The following GHR variants were observed in gnomAD, a reference collection of about 807,000 sequenced individuals.
GHR encodes growth hormone receptor, also known as GH receptor.
In GHR, 35 loss-of-function variants were observed where a neutral mutation model predicts 67.1. The ratio of observed to expected loss-of-function variants is 0.52; its 90% CI spans 0.40 to 0.69. The LOEUF is 0.69. GHR is among the 30% of genes least tolerant of loss of function. GHR has a pLI of 0.00. For missense variants in GHR, 792 were observed against 764.6 expected, an observed-to-expected ratio of 1.04 and a Z score of -0.42; for synonymous variants, 272 against 269.1, an observed-to-expected ratio of 1.01 and a Z score of -0.10.
At chr5:42,685,150 G>A (rs1757077347) in intron 3 of GHR, among the ~76,000 whole-genome samples, 1 of 151,972 alleles carries the variant, frequency 6.6e-6, no homozygotes, top group African/African-American at 2.4e-5. Context: ...GTGTATGTGT[G>A]TTCTCATTGT....
At chr5:42,513,489 A>C (rs1747109451) in intron 1 of GHR, among the ~76,000 whole-genome samples, 1 of 152,176 alleles carries the variant, frequency 6.6e-6, no homozygotes, top group Admixed American at 6.5e-5. Flanking sequence ...AGCAGCTCTG[A>C]TAAAAGGCTT....
intron 2 of GHR, 47 bp downstream of exon 2, chr5:42,565,991 C>T (rs762027736): frequency 6.2e-7 from 1 of 1,606,220 alleles, no homozygotes; most frequent in Admixed American, 1.7e-5. Context: ...TGAAACAACA[C>T]TGAACTGTAT....
intron 2 of GHR, among the ~76,000 whole-genome samples, chr5:42,584,143 A>AT (rs1039735936): frequency 6.6e-6 from 1 of 151,572 alleles, no homozygotes; most frequent in Non-Finnish European, 1.5e-5. Flanking sequence ...ACCCTTATGT[A>AT]TTTTTTTTAA....
intron 3 of GHR, among the ~76,000 whole-genome samples, chr5:42,655,322 G>A (rs983147054): frequency 3.9e-5 from 6 of 152,106 alleles, no homozygotes; most frequent in Non-Finnish European, 1.5e-5. Context: ...TTGGAGAGCT[G>A]TAAGAGGATA....
At chr5:42,569,679 C>T (rs1321436323) in intron 2 of GHR, among the ~76,000 whole-genome samples, 5 of 151,866 alleles carry the variant, frequency 3.3e-5, no homozygotes, top group Admixed American at 6.6e-5. Context: ...TATTTACATA[C>T]AACATATTTA....
intron 2 of GHR, among the ~76,000 whole-genome samples, chr5:42,592,854 C>T (rs1792777702): frequency 6.6e-6 from 1 of 152,164 alleles, no homozygotes; most frequent in African/African-American, 2.4e-5. Context: ...ATTTACATTC[C>T]TACAAGCAAT....
intron 2 of GHR, among the ~76,000 whole-genome samples, chr5:42,596,197 T>A (rs1378243982): frequency 6.6e-6 from 1 of 152,154 alleles, no homozygotes; most frequent in Non-Finnish European, 1.5e-5. Context: ...GCTCACCAGG[T>A]CTGCCTTTTT....
intron 1 of GHR, among the ~76,000 whole-genome samples, chr5:42,454,742 G>A (rs1038689894): frequency 5.3e-5 from 8 of 151,912 alleles, no homozygotes; most frequent in Admixed American, 1.3e-4. Context: ...TTAGATCCAC[G>A]CCTCCTGCTT....
chr5:42,637,448 G>A (rs1346886485), intron 3 of GHR, among the ~76,000 whole-genome samples: 4 of 152,016 alleles, frequency 2.6e-5, no homozygotes, highest in African/African-American at 9.7e-5. Flanking sequence ...CTCACACCCC[G>A]CTCCCAATCT....
chr5:42,493,886 G>A (rs1746215239), intron 1 of GHR, among the ~76,000 whole-genome samples: 2 of 152,130 alleles, frequency 1.3e-5, no homozygotes, highest in Non-Finnish European at 2.9e-5. Flanking sequence ...GCTGAGGTAG[G>A]TCTAGATGTC....
intron 1 of GHR, chr5:42,465,648 G>T: frequency 1.1e-6 from 1 of 909,212 alleles, no homozygotes. Context: ...CCCCAGTTGT[G>T]AGATCTGCTA....
chr5:42,664,360 T>C (rs920701601), intron 3 of GHR, among the ~76,000 whole-genome samples: 15 of 152,278 alleles, frequency 9.9e-5, no homozygotes, highest in Admixed American at 9.8e-4. Flanking sequence ...AAGGCTACAG[T>C]AACCAAAACA....
intron 1 of GHR, among the ~76,000 whole-genome samples, chr5:42,556,383 G>A (rs777355307): frequency 6.6e-6 from 1 of 152,002 alleles, no homozygotes; most frequent in African/African-American, 2.4e-5. Context: ...TCTCCTTTTA[G>A]ATTAGGTAAA....
At chr5:42,503,390 G>A (rs945642806) in intron 1 of GHR, among the ~76,000 whole-genome samples, 3 of 152,200 alleles carry the variant, frequency 2.0e-5, no homozygotes, top group African/African-American at 4.8e-5. Context: ...TTTGGGATGG[G>A]TGAAAGGCAT....
intron 4 of GHR, among the ~76,000 whole-genome samples, chr5:42,694,427 C>A (rs1465882365): frequency 1.3e-5 from 2 of 152,166 alleles, no homozygotes; most frequent in African/African-American, 4.8e-5. Context: ...AGCGTTGGTG[C>A]TGGATATAAT....
intron 3 of GHR, among the ~76,000 whole-genome samples, chr5:42,666,256 A>G (rs1318490397): frequency 6.6e-6 from 1 of 152,092 alleles, no homozygotes. Context: ...TAGTAGTTAC[A>G]TTTAAAAAGA....
At chr5:42,671,783 A>C (rs914622674) in intron 3 of GHR, among the ~76,000 whole-genome samples, 12 of 151,678 alleles carry the variant, frequency 7.9e-5, no homozygotes, top group African/African-American at 2.9e-4. Flanking sequence ...GGTGAAACCC[A>C]GTCTCTACTA....
intron 2 of GHR, among the ~76,000 whole-genome samples, chr5:42,605,090 C>CCT (rs1752562654): frequency 1.1e-5 from 1 of 90,070 alleles, no homozygotes; most frequent in African/African-American, 4.9e-5. Context: ...TGTGGTGCCT[C>CCT]TTTTTTTTTT....
intron 1 of GHR, among the ~76,000 whole-genome samples, chr5:42,429,885 G>A (rs1186390291): frequency 1.3e-5 from 2 of 152,182 alleles, no homozygotes; most frequent in African/African-American, 4.8e-5. Flanking sequence ...TAGCAATCAG[G>A]CATTTATTGA....
Sources: allele counts gnomAD v4.1 joint callset (sites outside exome capture counted in the v4.1 genomes callset), GRCh38; gene constraint gnomAD v4.1.1; transcripts MANE v1.5; gene names NCBI Gene and HGNC (gene_info 2026-07-23, HGNC 2026-07-21).